LRRN2: variants seen among roughly 807,000 people sequenced by gnomAD.
LRRN2 encodes the protein leucine-rich repeat neuronal protein 2.
Under a neutral mutation model 35.7 loss-of-function variants are expected in LRRN2, and 10 were observed. The ratio of observed to expected loss-of-function variants is 0.28; its 90% CI spans 0.17 to 0.47. The LOEUF is 0.47. Ranked by LOEUF, LRRN2 falls within the 20% of genes least tolerant of loss-of-function variation. The probability of loss-of-function intolerance (pLI) is 0.99; values close to 1 mark genes in which losing one functional copy is unlikely to be tolerated. For missense variants in LRRN2, 731 were observed against 940.3 expected, an observed-to-expected ratio of 0.78 and a Z score of 2.91; for synonymous variants, 391 against 409.6, an observed-to-expected ratio of 0.95 and a Z score of 0.55.
intron 1 of LRRN2, among the ~76,000 whole-genome samples, chr1:204,678,149 C>G (rs187599752): frequency 3.5e-4 from 53 of 152,350 alleles, no homozygotes; most frequent in Non-Finnish European, 6.2e-4. Flanking sequence ...TAGTCTAAAT[C>G]ACACAGTTTA....
At position 204,617,873 on chromosome 1, in the gene LRRN2, G is replaced by C. The variant is rs115739905; in HGVS notation, c.2120C>G (p.Pro707Arg). The C allele has an allele frequency of 9.3e-6, 15 of 1,613,922 alleles. No homozygotes were observed. Among genetic ancestry groups the C allele is most frequent in the Non-Finnish European group, 1.2e-5 (14 of 1,179,956 alleles). ...PRSSEGETLL[P>R]PLSQNS is the part of the protein sequence containing the mutation. The stretch of plus-strand genomic sequence containing the variant: ...GCTTCAAGAATTTTGAGACAATGGT[G>C]GCAACAGTGTCTCCCCTTCTGAGGA... The change falls in exon 2 of 2, where the codon CCA becomes CGA. Residue 707 changes from proline (P) to arginine (R), a missense_variant. Around this residue, in one of 3 missense-constraint regions of LRRN2, gnomAD observed 229 missense variants for 258.4 expected, o/e 0.89. Coordinates refer to ENST00000367177, the MANE Select transcript of LRRN2 (RefSeq NM_201630.2).
At chr1:204,655,825 C>T (rs1003220816) in intron 1 of LRRN2, among the ~76,000 whole-genome samples, 12 of 152,216 alleles carry the variant, frequency 7.9e-5, no homozygotes, top group Admixed American at 4.6e-4. Flanking sequence ...GGCACCGAAA[C>T]GCAGGATAAT....
chr1:204,679,778 G>T (rs1668905287), intron 1 of LRRN2, among the ~76,000 whole-genome samples: 1 of 152,232 alleles, frequency 6.6e-6, no homozygotes. Flanking sequence ...TTAAGGTCCA[G>T]CTTCTCTGAG....
At chr1:204,683,297 C>A (rs935763475) in intron 1 of LRRN2, among the ~76,000 whole-genome samples, 1 of 152,078 alleles carries the variant, frequency 6.6e-6, no homozygotes, top group African/African-American at 2.4e-5. Flanking sequence ...GTTTAAGCTG[C>A]AGTTTACAGG....
At chr1:204,622,384 T>C (rs1322202963) in intron 1 of LRRN2, among the ~76,000 whole-genome samples, 3 of 152,230 alleles carry the variant, frequency 2.0e-5, no homozygotes, top group African/African-American at 7.2e-5. Context: ...TCCCGTTCCC[T>C]GAGCAGGAAC....
chr1:204,660,552 G>GACACAC (rs72072762), intron 1 of LRRN2, among the ~76,000 whole-genome samples: 98 of 143,304 alleles, frequency 6.8e-4, no homozygotes, highest in South Asian at 2.6e-3. Context: ...GCCTTACACA[G>GACACAC]ACACACACAC....
chr1:204,628,115 C>T (rs1256991206), intron 1 of LRRN2: 1 of 152,264 alleles, frequency 6.6e-6, no homozygotes, highest in Non-Finnish European at 1.5e-5. Context: ...AAACATCATC[C>T]CAGAGCCTGT....
intron 1 of LRRN2, among the ~76,000 whole-genome samples, chr1:204,667,809 A>G: frequency 6.6e-6 from 1 of 152,198 alleles, no homozygotes; most frequent in East Asian, 1.9e-4. Context: ...GTGTGAAGCC[A>G]CGTGAGATGG....
chr1:204,678,320 G>A (rs1412871264), intron 1 of LRRN2, among the ~76,000 whole-genome samples: 2 of 152,134 alleles, frequency 1.3e-5, no homozygotes, highest in East Asian at 1.9e-4. Context: ...GCCTAGGACA[G>A]TGCTCAGAGC....
intron 1 of LRRN2, among the ~76,000 whole-genome samples, chr1:204,662,567 T>C (rs1056928692): frequency 1.3e-5 from 2 of 152,204 alleles, no homozygotes; most frequent in Non-Finnish European, 2.9e-5. Flanking sequence ...CCTGCTACAG[T>C]GATGGGACAT....
At chr1:204,623,841 TG>T (rs1457686807) in intron 1 of LRRN2, among the ~76,000 whole-genome samples, 1 of 152,112 alleles carries the variant, frequency 6.6e-6, no homozygotes, top group Non-Finnish European at 1.5e-5. Flanking sequence ...AGCAGGTGCT[TG>T]AGAGTTGCTA....
At chr1:204,679,047 C>A (rs1105096) in intron 1 of LRRN2, among the ~76,000 whole-genome samples, 103,115 of 151,976 alleles carry the variant, frequency 0.68, 36,504 homozygotes, top group Non-Finnish European at 0.78. Flanking sequence ...TGGCTGAGGC[C>A]TGGTGGCGCT....
At position 204,619,789 on chromosome 1, in the gene LRRN2, G is replaced by T; in HGVS notation, c.204C>A (p.Pro68=). The change falls in exon 2 of 2, where the codon CCC becomes CCA. Residue 68 remains proline (P), a synonymous_variant. Transcript: ENST00000367177. ...GCAGGAGCAGGGTCTGTGTGCCTGCGGGGAGTGCCGGGGGGACTGCCGTCA... is the reference window on the plus strand; with the variant it reads ...GCAGGAGCAGGGTCTGTGTGCCTGCTGGGAGTGCCGGGGGGACTGCCGTCA... ...LFLTAVPPAL[P]AGTQTLLLQS... The T allele has an allele frequency of 6.2e-7, 1 of 1,614,174 alleles. No individual in the cohort carries two copies. The highest frequency in any genetic ancestry group is 8.5e-7 in the Non-Finnish European group (1 of 1,180,016).
intron 1 of LRRN2, among the ~76,000 whole-genome samples, chr1:204,663,532 A>G (rs554789290): frequency 3.9e-5 from 6 of 152,126 alleles, no homozygotes; most frequent in Non-Finnish European, 8.8e-5. Context: ...CTTCTCCCCA[A>G]GCAAACGTTT....
At chr1:204,662,010 A>AC (rs1360065752) in intron 1 of LRRN2, among the ~76,000 whole-genome samples, 1 of 152,122 alleles carries the variant, frequency 6.6e-6, no homozygotes, top group African/African-American at 2.4e-5. Flanking sequence ...AGAAAGCTGG[A>AC]CCCCAGCAGA....
intron 1 of LRRN2, among the ~76,000 whole-genome samples, chr1:204,681,352 T>C (rs1668952031): frequency 6.6e-6 from 1 of 152,206 alleles, no homozygotes; most frequent in Non-Finnish European, 1.5e-5. Flanking sequence ...ATAATAATAT[T>C]ACTTACATAG....
At chr1:204,655,070 C>A (rs369558267) in intron 1 of LRRN2, among the ~76,000 whole-genome samples, 5 of 152,214 alleles carry the variant, frequency 3.3e-5, no homozygotes, top group Admixed American at 2.6e-4. Flanking sequence ...CATTCTCTAG[C>A]CCCTGTGGAC....
chr1:204,641,310 C>A (rs1276427053), intron 1 of LRRN2, among the ~76,000 whole-genome samples: 2 of 152,078 alleles, frequency 1.3e-5, no homozygotes, highest in Non-Finnish European at 2.9e-5. Context: ...CTTCTTTTAC[C>A]TTCCTGAATA....
At position 204,618,565 on chromosome 1, in the gene LRRN2, C is replaced by T. The variant is rs370631911; in HGVS notation, c.1428G>A (p.Val476=). The T allele has an allele frequency of 6.2e-6, 10 of 1,614,080 alleles. No individual in the cohort carries two copies. In the South Asian group the frequency reaches 6.6e-5, roughly 11 times the overall value. Residue 476 remains valine (V), a synonymous_variant, in exon 2 of 2, where the codon GTG becomes GTA. Transcript: ENST00000367177. ...TPAHAGRRYR[V]YPEGTLELRR... is the part of the protein sequence containing the mutation. ...GCAGCTCCAGGGTCCCCTCGGGGTA[C>T]ACCCGGTACCTCCTGCCTGCATGGG...
Sources: allele counts gnomAD v4.1 joint callset (sites outside exome capture counted in the v4.1 genomes callset), GRCh38; gene constraint gnomAD v4.1.1; regional missense constraint gnomAD v4.1.1; transcripts MANE v1.5; gene names NCBI Gene and HGNC (gene_info 2026-07-23, HGNC 2026-07-21).